Variants in PCDH11Y observed in about 807,000 individuals in gnomAD.
PCDH11Y encodes the protein protocadherin 11 Y-linked, also known as protocadherin-11 Y-linked.
For synonymous variants in PCDH11Y, 9 were observed against 83.6 expected (o/e 0.11, Z 4.87); for missense variants, 12 against 224.8 (o/e 0.05, Z 6.05).
At chrY:5,426,557 G>A (rs2124680037) in intron 2 of PCDH11Y, among the ~76,000 whole-genome samples, 9 of 32,976 alleles carry the variant, frequency 2.7e-4, no homozygotes, top group African/African-American at 1.0e-3. Context: ...ATAAGTTCAA[G>A]GAGGGATTTA....
intron 2 of PCDH11Y, among the ~76,000 whole-genome samples, chrY:5,436,075 G>A (rs2053275007): frequency 3.0e-5 from 1 of 33,810 alleles, no homozygotes; most frequent in Non-Finnish European, 7.4e-5. Flanking sequence ...ATAAGTGCAC[G>A]TAGAGCATAC....
At chrY:5,097,005 T>G in intron 1 of PCDH11Y, among the ~76,000 whole-genome samples, 5 of 25,358 alleles carry the variant, frequency 2.0e-4, no homozygotes, top group South Asian at 1.9e-3. Flanking sequence ...GAACCACCGC[T>G]CCCGGCCGAG....
chrY:5,217,825 A>G (rs2052948323), intron 2 of PCDH11Y, among the ~76,000 whole-genome samples: 1 of 34,285 alleles, frequency 2.9e-5, no homozygotes, highest in Non-Finnish European at 7.3e-5. Flanking sequence ...CAGATTAACA[A>G]GTTTGCAAAA....
At chrY:5,552,912 C>G in intron 3 of PCDH11Y, among the ~76,000 whole-genome samples, 1 of 29,483 alleles carries the variant, frequency 3.4e-5, no homozygotes, top group Non-Finnish European at 8.0e-5. Context: ...CTGCTTGCAT[C>G]TACTTATGCA....
At chrY:5,498,098 G>T in intron 2 of PCDH11Y, among the ~76,000 whole-genome samples, 1 of 33,198 alleles carries the variant, frequency 3.0e-5, no homozygotes, top group Non-Finnish European at 7.4e-5. Flanking sequence ...GATCTTAGGA[G>T]CAGTTTAGGG....
exon 1 of PCDH11Y, chrY:5,056,918 A>G: frequency 2.5e-6 from 1 of 398,748 alleles, no homozygotes; most frequent in South Asian, 3.0e-5. Flanking sequence ...ACAAACTGTC[A>G]CAAGTGTTTG....
At chrY:5,730,112 G>T (rs2053602512) in intron 4 of PCDH11Y, among the ~76,000 whole-genome samples, 1 of 31,859 alleles carries the variant, frequency 3.1e-5, no homozygotes, top group Non-Finnish European at 7.7e-5. Flanking sequence ...GGCTTATTTT[G>T]TGGTTCCATA....
chrY:5,526,561 C>CAT (rs1385102799), intron 3 of PCDH11Y, among the ~76,000 whole-genome samples: 6 of 13,482 alleles, frequency 4.5e-4, no homozygotes, highest in Admixed American at 1.8e-3. Flanking sequence ...TTTAGATCTA[C>CAT]ATATATATAT....
At chrY:5,347,429 C>T (rs2053153552) in intron 2 of PCDH11Y, among the ~76,000 whole-genome samples, 1 of 32,567 alleles carries the variant, frequency 3.1e-5, no homozygotes, top group Non-Finnish European at 7.5e-5. Context: ...CCAGCCTGGG[C>T]GACAGAGTGA....
intron 1 of PCDH11Y, among the ~76,000 whole-genome samples, chrY:5,001,897 C>G: frequency 3.0e-5 from 1 of 33,571 alleles, no homozygotes; most frequent in East Asian, 8.1e-4. Flanking sequence ...GCTTCACCCG[C>G]CTGCGGCTTA....
chrY:5,262,478 T>C, intron 2 of PCDH11Y, among the ~76,000 whole-genome samples: 1 of 22,285 alleles, frequency 4.5e-5, no homozygotes, highest in Non-Finnish European at 1.0e-4. Context: ...TTTTTTTTTT[T>C]TTGTAACTTT....
intron 2 of PCDH11Y, among the ~76,000 whole-genome samples, chrY:5,280,477 G>T: frequency 6.2e-5 from 2 of 32,488 alleles, no homozygotes; most frequent in East Asian, 1.6e-3. Context: ...TGACTGCATA[G>T]TATTCCATGG....
intron 2 of PCDH11Y, among the ~76,000 whole-genome samples, chrY:5,183,204 G>A (rs2052903155): frequency 4.5e-4 from 15 of 33,431 alleles, no homozygotes; most frequent in Non-Finnish European, 8.9e-4. Context: ...GTGGGGTTGC[G>A]CAATCACTAC....
intron 4 of PCDH11Y, among the ~76,000 whole-genome samples, chrY:5,679,660 T>C: frequency 3.1e-5 from 1 of 32,035 alleles, no homozygotes; most frequent in Admixed American, 2.8e-4. Flanking sequence ...TCCACAGCAG[T>C]TGGAGCAACA....
At chrY:5,266,515 C>G in intron 2 of PCDH11Y, among the ~76,000 whole-genome samples, 1 of 32,519 alleles carries the variant, frequency 3.1e-5, no homozygotes, top group Non-Finnish European at 7.5e-5. Flanking sequence ...GCCTGGGTGA[C>G]AGACCGAGAC....
At chrY:5,007,491 T>C (rs2124617606) in intron 1 of PCDH11Y, among the ~76,000 whole-genome samples, 1 of 13,750 alleles carries the variant, frequency 7.3e-5, no homozygotes, top group South Asian at 2.0e-3. Context: ...TAAAAATCCT[T>C]AAGTGATTAG....
chrY:5,326,039 A>G (rs2053119584), intron 2 of PCDH11Y, among the ~76,000 whole-genome samples: 1 of 32,657 alleles, frequency 3.1e-5, no homozygotes, highest in Non-Finnish European at 7.5e-5. Context: ...AAGAAGGAGG[A>G]CCGTAAGGGA....
At chrY:5,139,462 C>G in intron 2 of PCDH11Y, among the ~76,000 whole-genome samples, 1 of 31,467 alleles carries the variant, frequency 3.2e-5, no homozygotes, top group Non-Finnish European at 7.7e-5. Flanking sequence ...TCGCTGTTCA[C>G]TGATGATATT....
At chrY:5,404,002 CAGTAAT>C (rs2053236266) in intron 2 of PCDH11Y, among the ~76,000 whole-genome samples, 1 of 32,807 alleles carries the variant, frequency 3.0e-5, no homozygotes, top group Non-Finnish European at 7.5e-5. Flanking sequence ...TGTGTAGACT[CAGTAAT>C]AGTAGGAACA....
Sources: allele counts gnomAD v4.1 joint callset (sites outside exome capture counted in the v4.1 genomes callset), GRCh38; gene constraint gnomAD v4.1.1; transcripts MANE v1.5; gene names NCBI Gene and HGNC (gene_info 2026-07-23, HGNC 2026-07-21).